The following SLFN12L variants were observed in gnomAD, a reference collection of about 807,000 sequenced individuals.
SLFN12L encodes schlafen family member 12-like.
A neutral mutation model predicts 34.8 loss-of-function variants in SLFN12L; 34 were observed. The ratio of observed to expected loss-of-function variants is 0.98; its 90% CI spans 0.74 to 1.30. The LOEUF (loss-of-function observed/expected upper bound fraction) is 1.30. SLFN12L is among the 50% of genes most tolerant of loss of function. The probability of loss-of-function intolerance (pLI) is 0.00; values close to 1 mark genes in which losing one functional copy is unlikely to be tolerated. For missense variants in SLFN12L, 703 were observed against 696.2 expected (o/e 1.01, Z -0.11); for synonymous variants, 259 against 247.5 (o/e 1.05, Z -0.44).
intron 1 of SLFN12L, among the ~76,000 whole-genome samples, chr17:35,533,820 C>G (rs564334416): frequency 2.6e-5 from 4 of 152,158 alleles, no homozygotes; most frequent in Non-Finnish European, 5.9e-5. Context: ...ATAGCTCACG[C>G]CTGTAATCCC....
chr17:35,515,834 G>A (rs1915809919), intron 2 of SLFN12L, among the ~76,000 whole-genome samples: 1 of 151,806 alleles, frequency 6.6e-6, no homozygotes, highest in South Asian at 2.1e-4. Context: ...AGAAGAGACA[G>A]GGTTTCACTA....
intron 2 of SLFN12L, among the ~76,000 whole-genome samples, chr17:35,496,888 A>C (rs1031546088): frequency 2.6e-5 from 4 of 152,220 alleles, no homozygotes; most frequent in African/African-American, 9.6e-5. Flanking sequence ...CCAGAGAAAT[A>C]GGATGGCTGA....
Position 35,479,780 on chromosome 17 carries a change from A to C in SLFN12L, c.502T>G (p.Leu168Val). The C allele has an allele frequency of 6.2e-7, 1 of 1,613,742 alleles. No homozygotes were observed. The highest frequency in any genetic ancestry group is 8.5e-7 in the Non-Finnish European group (1 of 1,179,770). Residue 168 changes from leucine to valine, a missense_variant, in exon 3 of 5, where the codon TTG becomes GTG. Transcript: ENST00000628453. ...GPQIATLSSS[L>V]YKRDVTSAKV... ...GCAGACGTTACATCTCTCTTGTACA[A>C]ACTGGAGCTCAACGTGGCAATCTGC...
At chr17:35,507,393 T>C (rs1032558262) in intron 2 of SLFN12L, among the ~76,000 whole-genome samples, 1 of 152,190 alleles carries the variant, frequency 6.6e-6, no homozygotes, top group African/African-American at 2.4e-5. Flanking sequence ...TAATCACTAA[T>C]AAGACTGGCA....
intron 4 of SLFN12L, among the ~76,000 whole-genome samples, chr17:35,477,390 A>C (rs1162065025): frequency 6.6e-6 from 1 of 152,192 alleles, no homozygotes; most frequent in African/African-American, 2.4e-5. Context: ...ACAAGGCACA[A>C]AGAGCACTAA....
chr17:35,535,539 T>C (rs1197011774), intron 1 of SLFN12L, among the ~76,000 whole-genome samples: 1 of 149,694 alleles, frequency 6.7e-6, no homozygotes, highest in African/African-American at 2.5e-5. Flanking sequence ...CAGGCTGGAG[T>C]GCAGTGGTGC....
chr17:35,499,041 G>A (rs62078157), intron 2 of SLFN12L: 21 of 769,584 alleles, frequency 2.7e-5, no homozygotes, highest in African/African-American at 2.4e-4. Context: ...AATCTCCCCT[G>A]ATAGCAAGCT....
At chr17:35,521,039 AT>A (rs200600207) in intron 2 of SLFN12L, among the ~76,000 whole-genome samples, 1,705 of 152,270 alleles carry the variant, frequency 0.011, 6 homozygotes, top group Non-Finnish European at 0.018. Context: ...AAATTGTGTG[AT>A]TTTTAAGTTG....
In SLFN12L at chr17:35,464,478, T is replaced by A. The variant is rs776588023; in HGVS notation, c.*10445A>T. 1 of 137,164 alleles carries A rather than the reference T, an allele frequency of 7.3e-6. No individual in the cohort carries two copies. The highest frequency in any genetic ancestry group is 1.5e-5 in the Non-Finnish European group (1 of 65,646). 8.5% of individuals were successfully genotyped at this position (137,164 alleles called of 1,614,324 possible). On this transcript the variant is annotated 3_prime_UTR_variant, in exon 5 of 5. Transcript: ENST00000628453. Reference sequence around the variant, plus strand: ...CTGTTTCCTTCTTTGTGTTCATAAGTTCTTTCGTTTAGCTCCCATTTATCA... The same window carrying A: ...CTGTTTCCTTCTTTGTGTTCATAAGATCTTTCGTTTAGCTCCCATTTATCA...
At chr17:35,481,262 G>A (rs1032848523) in intron 2 of SLFN12L, among the ~76,000 whole-genome samples, 3 of 152,104 alleles carry the variant, frequency 2.0e-5, no homozygotes, top group African/African-American at 4.8e-5. Context: ...CCCTTTCCCC[G>A]GGGGAGTTAG....
chr17:35,479,239 CTG>C lies in SLFN12L; in HGVS notation c.1041_1042del (p.Arg348SerfsTer11), dbSNP rs1914176403. 1 of 1,592,834 alleles carries C rather than the reference CTG, an allele frequency of 6.3e-7. No homozygotes were observed. The highest frequency in any genetic ancestry group is 1.1e-5 in the South Asian group (1 of 88,436). On this transcript the variant is annotated frameshift_variant, in exon 3 of 5. Transcript: ENST00000628453. LOFTEE classifies it high-confidence loss of function. ...CACTGCACAGCAGAAGCGTTCCACT[CTG>C]AGTGCATACACATATCCACAAAGCC...
intron 2 of SLFN12L, among the ~76,000 whole-genome samples, chr17:35,513,531 C>T (rs1354353383): frequency 6.6e-6 from 1 of 152,142 alleles, no homozygotes; most frequent in East Asian, 1.9e-4. Flanking sequence ...CAGATGCCAC[C>T]AAGTACCAAC....
intron 2 of SLFN12L, 29 bp downstream of exon 2, chr17:35,522,250 A>G: frequency 6.2e-7 from 1 of 1,612,714 alleles, no homozygotes; most frequent in Non-Finnish European, 8.5e-7. Flanking sequence ...ATTAAATAAT[A>G]CTTAGAGACA....
chr17:35,509,760 T>C (rs765905299), intron 2 of SLFN12L, among the ~76,000 whole-genome samples: 1 of 151,932 alleles, frequency 6.6e-6, no homozygotes. Flanking sequence ...TGCAGTGGCG[T>C]GATCTCAGCT....
At chr17:35,507,200 C>T (rs560068584) in intron 2 of SLFN12L, among the ~76,000 whole-genome samples, 1 of 152,284 alleles carries the variant, frequency 6.6e-6, no homozygotes, top group South Asian at 2.1e-4. Flanking sequence ...CTGGGCTTCC[C>T]TGTCTATGCT....
chr17:35,488,796 G>A (rs1597843924), intron 2 of SLFN12L, among the ~76,000 whole-genome samples: 1 of 152,138 alleles, frequency 6.6e-6, no homozygotes, highest in Non-Finnish European at 1.5e-5. Flanking sequence ...CTGGCCGGGC[G>A]CGGTGGCTCA....
At chr17:35,477,934 T>C (rs1187368091) in intron 4 of SLFN12L, 141 bp downstream of exon 4, 2 of 581,114 alleles carry the variant, frequency 3.4e-6, no homozygotes, top group Non-Finnish European at 6.0e-6. Context: ...TTTGACAAAT[T>C]CAATGACTAA....
intron 2 of SLFN12L, chr17:35,515,268 C>T (rs371009378): frequency 2.4e-6 from 1 of 414,578 alleles, no homozygotes. Flanking sequence ...GCACAGGGAG[C>T]CGCTCAGACC....
intron 2 of SLFN12L, among the ~76,000 whole-genome samples, chr17:35,494,023 G>A (rs185861967): frequency 2.6e-4 from 39 of 152,268 alleles, no homozygotes; most frequent in Admixed American, 2.2e-3. Flanking sequence ...GACAACTCGT[G>A]TGTATGAGAA....
Sources: gnomAD v4.1 joint callset for allele counts (sites outside exome capture counted in the v4.1 genomes callset) on GRCh38, gnomAD v4.1.1 for gene constraint, MANE v1.5 for transcripts, NCBI Gene and HGNC (gene_info 2026-07-23, HGNC 2026-07-21) for gene names.